RANGAP1: variants seen among roughly 807,000 people sequenced by gnomAD.
The protein encoded by RANGAP1 is Ran GTPase activating protein 1.
RANGAP1 carries 38 observed loss-of-function variants against 63.5 expected under a neutral mutation model. That is an observed-to-expected ratio of 0.60 (90% CI 0.46 to 0.78). The LOEUF is 0.78. RANGAP1 is among the 30% of genes least tolerant of loss of function. The pLI is 0.00. For missense variants in RANGAP1, 630 were observed against 740.3 expected (o/e 0.85, Z 1.73); for synonymous variants, 329 against 310.5 (o/e 1.06, Z -0.63).
the RANGAP1 span, among the ~76,000 whole-genome samples, chr22:41,297,625 T>C: frequency 1.3e-5 from 2 of 150,530 alleles, no homozygotes; most frequent in East Asian, 3.9e-4. Flanking sequence ...TCCTCCGCTT[T>C]GAGGATTCTG....
At chr22:41,297,772 C>A in the RANGAP1 span, among the ~76,000 whole-genome samples, 1 of 148,900 alleles carries the variant, frequency 6.7e-6, no homozygotes, top group Non-Finnish European at 1.5e-5. Context: ...CTCACTCCAA[C>A]CTCTGCCTCC....
Position 41,273,766 on chromosome 22 carries a change from C to CAAA in RANGAP1, c.240+831_240+833dup, listed in dbSNP as rs71200678. On this transcript the variant is annotated intron_variant, in intron 3 of 15. Coordinates refer to ENST00000356244, the MANE Select transcript of RANGAP1 (RefSeq NM_002883.4). ...CGGGTGACAGTGTGAGACTCCATCT[C>CAAA]AAAAAAAAAAAAAAAAAAAAAAAAA... Among the ~76,000 whole-genome samples, 60 of 24,352 alleles carry CAAA rather than the reference C, an allele frequency of 2.5e-3. 11 individuals carry two copies. Among genetic ancestry groups the CAAA allele is most frequent in the African/African-American group, 8.3e-3 (53 of 6,362 alleles). The allele number at this position is 24,352 out of a possible 152,430, so 16.0% of individuals were successfully genotyped here.
intron 1 of RANGAP1, among the ~76,000 whole-genome samples, chr22:41,282,767 C>T (rs578055533): frequency 3.9e-5 from 6 of 152,236 alleles, no homozygotes; most frequent in East Asian, 3.9e-4. Flanking sequence ...TAGACAGGAA[C>T]GTGGAACATC....
intron 8 of RANGAP1, among the ~76,000 whole-genome samples, 185 bp downstream of exon 8, chr22:41,256,526 G>A (rs1043320723): frequency 3.3e-5 from 5 of 152,130 alleles, no homozygotes; most frequent in Admixed American, 1.3e-4. Context: ...CCTGCCTCCC[G>A]CTTTAGAAAT....
upstream of RANGAP1, among the ~76,000 whole-genome samples, chr22:41,290,595 G>C (rs1382651199): frequency 2.0e-5 from 3 of 152,160 alleles, no homozygotes; most frequent in Non-Finnish European, 2.9e-5. Context: ...GGGGAATCAG[G>C]AGAAGCAGAG....
intron 6 of RANGAP1, among the ~76,000 whole-genome samples, chr22:41,260,625 A>G (rs979473419): frequency 2.0e-5 from 3 of 152,206 alleles, no homozygotes; most frequent in African/African-American, 7.2e-5. Context: ...AGGCGGGCAG[A>G]TCACTTGAGG....
intron 6 of RANGAP1, among the ~76,000 whole-genome samples, chr22:41,259,949 T>C (rs1472362186): frequency 1.3e-5 from 2 of 151,476 alleles, no homozygotes; most frequent in Non-Finnish European, 2.9e-5. Flanking sequence ...TCAACTGCAG[T>C]GGGCTGAGAT....
chr22:41,256,334 C>A, intron 8 of RANGAP1, 44 bp from the exon 9 acceptor site: 1 of 1,577,096 alleles, frequency 6.3e-7, no homozygotes, highest in Non-Finnish European at 8.7e-7. Flanking sequence ...AAACCCGGGC[C>A]AGGACACCAG....
At position 41,256,246 on chromosome 22, in the gene RANGAP1, C is replaced by T. The variant is rs2066780; in HGVS notation, c.933G>A (p.Leu311=). 17,236 of 1,614,146 alleles carry T rather than the reference C, an allele frequency of 0.011. 128 individuals carry two copies. Among genetic ancestry groups the T allele is most frequent in the Non-Finnish European group, 0.013 (15,434 of 1,180,012 alleles). ...TGTCTGCCATGGCCTCAGCAACAGC[C>T]AGGGCAGCATCCCTCTTGATTTCAC... ...SFCEIKRDAA[L]AVAEAMADKA... Residue 311 remains leucine, a synonymous_variant, in exon 9 of 16, where the codon CTG becomes CTA. Coordinates refer to ENST00000356244, the MANE Select transcript of RANGAP1 (RefSeq NM_002883.4).
At chr22:41,253,458 A>T (rs2033612034) in intron 11 of RANGAP1, among the ~76,000 whole-genome samples, 1 of 152,220 alleles carries the variant, frequency 6.6e-6, no homozygotes, top group South Asian at 2.1e-4. Flanking sequence ...AATTCAGCGT[A>T]AGCATGGGGA....
chr22:41,258,178 C>T (rs746089121), intron 6 of RANGAP1, 72 bp from the exon 7 acceptor site: 165 of 1,504,904 alleles, frequency 1.1e-4, no homozygotes, highest in Non-Finnish European at 1.5e-4. Flanking sequence ...GAGAGCAATT[C>T]CACACAGCAG....
At chr22:41,277,071 ATTTTTT>A (rs1033324630) in intron 2 of RANGAP1, among the ~76,000 whole-genome samples, 1 of 90,224 alleles carries the variant, frequency 1.1e-5, no homozygotes, top group Non-Finnish European at 2.0e-5. Flanking sequence ...GAAAGTGAGG[ATTTTTT>A]TTTTTTTTTT....
chr22:41,291,333 C>T, the RANGAP1 span, among the ~76,000 whole-genome samples: 2 of 152,152 alleles, frequency 1.3e-5, no homozygotes, highest in African/African-American at 2.4e-5. Flanking sequence ...TGCGGTGGCT[C>T]CCGCCTGTAA....
intron 2 of RANGAP1, among the ~76,000 whole-genome samples, chr22:41,280,127 A>G (rs1028043621): frequency 3.9e-5 from 6 of 152,138 alleles, no homozygotes; most frequent in African/African-American, 1.4e-4. Context: ...ACAGGGAGGA[A>G]GTCTATAAAC....
intron 4 of RANGAP1, 101 bp downstream of exon 4, chr22:41,267,996 G>A: frequency 1.6e-6 from 2 of 1,267,600 alleles, no homozygotes; most frequent in South Asian, 1.3e-5. Context: ...TCACCCACAG[G>A]GCTAATCTTA....
In RANGAP1 at chr22:41,256,116, G is replaced by A. The variant is rs200195557; in HGVS notation, c.989-11C>T. On this transcript the variant is annotated splice_polypyrimidine_tract_variant and intron_variant, in intron 9 of 15. Coordinates refer to ENST00000356244, the MANE Select transcript of RANGAP1 (RefSeq NM_002883.4). The stretch of plus-strand genomic sequence containing the variant: ...CTCCCAGGGTGTTGCCTGCTCAAGG[G>A]GAGGGAAGAGCAGTCAGCCGGGGTG... 1.2e-6 allele frequency: 2 copies of A among 1,614,118 alleles called. No homozygotes were observed. Among genetic ancestry groups the A allele is most frequent in the Admixed American group, 1.7e-5 (1 of 60,012 alleles).
At chr22:41,297,686 CT>C in the RANGAP1 span, among the ~76,000 whole-genome samples, 555 of 93,356 alleles carry the variant, frequency 5.9e-3, 4 homozygotes, top group East Asian at 0.022. Flanking sequence ...CCACACCTGG[CT>C]TTTTTTTTTT....
At chr22:41,292,640 G>A in the RANGAP1 span, among the ~76,000 whole-genome samples, 7 of 151,806 alleles carry the variant, frequency 4.6e-5, no homozygotes, top group Non-Finnish European at 7.4e-5. Flanking sequence ...CCAGCTACTC[G>A]GGAGGCTGAG....
At chr22:41,255,894 C>G in intron 10 of RANGAP1, 127 bp downstream of exon 10, 1 of 919,774 alleles carries the variant, frequency 1.1e-6, no homozygotes, top group Non-Finnish European at 1.6e-6. Flanking sequence ...GTGGAAGCTG[C>G]AGTGAGCCGA....
Sources: gnomAD v4.1 joint callset for allele counts (sites outside exome capture counted in the v4.1 genomes callset) on GRCh38, gnomAD v4.1.1 for gene constraint, MANE v1.5 for transcripts, NCBI Gene and HGNC (gene_info 2026-07-23, HGNC 2026-07-21) for gene names.